Variants in CASK observed in about 807,000 individuals in gnomAD.
CASK encodes calcium/calmodulin dependent serine protein kinase, also known as peripheral plasma membrane protein CASK.
In CASK, 4 loss-of-function variants were observed where a neutral mutation model predicts 82.9. The observed-to-expected ratio is 0.05, with a 90% confidence interval of 0.02 to 0.11. The LOEUF (loss-of-function observed/expected upper bound fraction) is 0.11, where lower values mean the gene tolerates loss of function less well. Ranked by LOEUF, CASK falls within the 10% of genes least tolerant of loss-of-function variation. The pLI is 1.00. For missense variants in CASK, 358 were observed against 720.9 expected, an observed-to-expected ratio of 0.50 and a Z score of 5.76; for synonymous variants, 259 against 253.5, an observed-to-expected ratio of 1.02 and a Z score of -0.20.
intron 7 of CASK, among the ~76,000 whole-genome samples, chrX:41,663,449 A>C (rs2067067173): frequency 8.9e-6 from 1 of 112,475 alleles, no homozygotes; most frequent in Non-Finnish European, 1.9e-5. Flanking sequence ...ATTATGATGT[A>C]GCTGCCACCA....
intron 1 of CASK, among the ~76,000 whole-genome samples, chrX:41,889,528 T>C (rs2072125733): frequency 9.0e-6 from 1 of 111,545 alleles, no homozygotes; most frequent in Non-Finnish European, 1.9e-5. Flanking sequence ...GGTGAGTCAG[T>C]ATGAAGTGAC....
chrX:41,747,974 C>T (rs183853003), intron 3 of CASK, among the ~76,000 whole-genome samples: 65 of 111,765 alleles, frequency 5.8e-4, no homozygotes, highest in African/African-American at 1.7e-3. Context: ...AGAAAAGAAA[C>T]GCTATTTTAA....
intron 3 of CASK, among the ~76,000 whole-genome samples, chrX:41,784,843 T>C (rs1371880449): frequency 9.1e-6 from 1 of 109,954 alleles, no homozygotes; most frequent in Non-Finnish European, 1.9e-5. Flanking sequence ...GCCACTGCAC[T>C]CCAGCCTGGG....
At chrX:41,622,524 G>A (rs2066301984) in intron 11 of CASK, 93 bp downstream of exon 11, 1 of 700,731 alleles carries the variant, frequency 1.4e-6, no homozygotes, top group Non-Finnish European at 2.2e-6. Flanking sequence ...CACACAAACA[G>A]CCAAGGAAAA....
intron 12 of CASK, among the ~76,000 whole-genome samples, chrX:41,592,821 C>A (rs746047398): frequency 1.8e-5 from 2 of 111,703 alleles, no homozygotes; most frequent in South Asian, 7.6e-4. Flanking sequence ...CTCAAACAAT[C>A]CTACGCAGTT....
intron 5 of CASK, among the ~76,000 whole-genome samples, chrX:41,724,492 G>C (rs971303262): frequency 8.9e-6 from 1 of 112,330 alleles, no homozygotes; most frequent in Non-Finnish European, 1.9e-5. Flanking sequence ...GTATGCATGA[G>C]TGACTTGAGA....
In CASK at chrX:41,830,717, G is replaced by C. The variant is rs764375545; in HGVS notation, c.172+22398C>G. ...TGCCTGTAGTCCCAGCTACTCAGGA[G>C]GCTGAGGCAGGAGTATGGCGTGAAC... On this transcript the variant is annotated intron_variant, in intron 2 of 26. Coordinates refer to ENST00000378163, the MANE Select transcript of CASK (RefSeq NM_001367721.1). Among the ~76,000 whole-genome samples the C allele has an allele frequency of 1.3e-4, 14 of 107,105 alleles. No homozygotes were observed. In the East Asian group the frequency reaches 3.8e-3, roughly 29 times the overall value. The allele number at this position is 107,105 out of a possible 115,157, so 93.0% of individuals were successfully genotyped here. A position where few individuals can be genotyped will look rare whatever the true frequency, so the allele number is the denominator to read the frequency against.
At chrX:41,679,447 C>A (rs1000676725) in intron 5 of CASK, among the ~76,000 whole-genome samples, 5 of 112,084 alleles carry the variant, frequency 4.5e-5, no homozygotes, top group African/African-American at 1.6e-4. Flanking sequence ...ATCAGTAGTT[C>A]ATTTCTTTTT....
At chrX:41,805,865 G>A (rs1464882015) in intron 2 of CASK, among the ~76,000 whole-genome samples, 1 of 111,128 alleles carries the variant, frequency 9.0e-6, no homozygotes, top group East Asian at 2.8e-4. Flanking sequence ...CCTGAGAGAC[G>A]GAGTGCCCCT....
At chrX:41,547,538 G>T (rs1010162937) in intron 21 of CASK, among the ~76,000 whole-genome samples, 4 of 110,915 alleles carry the variant, frequency 3.6e-5, no homozygotes, top group African/African-American at 1.3e-4. Context: ...ATAATATTAT[G>T]GTGTTGCAAG....
intron 1 of CASK, among the ~76,000 whole-genome samples, chrX:41,894,038 C>T (rs2072226862): frequency 9.0e-6 from 1 of 111,536 alleles, no homozygotes; most frequent in South Asian, 3.7e-4. Flanking sequence ...AGAAAAAAAG[C>T]AGCCAATAGA....
chrX:41,729,273 T>G (rs1005636685), intron 5 of CASK: 7 of 123,366 alleles, frequency 5.7e-5, no homozygotes, highest in Non-Finnish European at 1.3e-4. Context: ...AAATACTATC[T>G]TATTTACAGA....
Position 41,553,266 on chromosome X carries a change from A to T in CASK, c.2039+453T>A, listed in dbSNP as rs112745001. On this transcript the variant is annotated intron_variant, in intron 21 of 26. Coordinates refer to ENST00000378163, the MANE Select transcript of CASK (RefSeq NM_001367721.1). The stretch of plus-strand genomic sequence containing the variant: ...AAGCTTCTGACTACCTCCTTCTAAC[A>T]GTGAAATACATTTTATCTTCAAATA... 2.6e-3 allele frequency among the ~76,000 whole-genome samples: 293 copies of T among 112,163 alleles called. 1 individual carries two copies. Among genetic ancestry groups the T allele is most frequent in the Non-Finnish European group, 4.8e-3 (255 of 53,203 alleles).
intron 2 of CASK, among the ~76,000 whole-genome samples, chrX:41,842,692 T>C (rs980470411): frequency 7.2e-5 from 8 of 111,678 alleles, no homozygotes; most frequent in African/African-American, 2.6e-4. Flanking sequence ...TAGATTAGTT[T>C]GTCAATTTTT....
chrX:41,837,032 T>C (rs2070938269), intron 2 of CASK, among the ~76,000 whole-genome samples: 1 of 112,345 alleles, frequency 8.9e-6, no homozygotes, highest in African/African-American at 3.2e-5. Context: ...CAGAACAATT[T>C]GGAATGTTTG....
chrX:41,918,314 T>C (rs1264488559), intron 1 of CASK, among the ~76,000 whole-genome samples: 1 of 112,459 alleles, frequency 8.9e-6, no homozygotes. Flanking sequence ...TTACGTATTA[T>C]TAATCCAGTA....
At position 41,727,204 on chromosome X, in the gene CASK, G is replaced by T. The variant is rs775010884; in HGVS notation, c.429+12180C>A. 3.3e-6 allele frequency: 4 copies of T among 1,202,762 alleles called. No individual in the cohort carries two copies. In the African/African-American group the frequency reaches 7.0e-5, roughly 21 times the overall value. ...CATCTACCTGTCACACCTTGTGACT[G>T]CAAACTTACTTGTGTGCAGTGCCAT... On this transcript the variant is annotated intron_variant, in intron 5 of 26. Coordinates refer to ENST00000378163, the MANE Select transcript of CASK (RefSeq NM_001367721.1).
intron 2 of CASK, among the ~76,000 whole-genome samples, chrX:41,821,183 T>C (rs1169387392): frequency 8.9e-6 from 1 of 111,732 alleles, no homozygotes; most frequent in African/African-American, 3.2e-5. Flanking sequence ...ATATGTATAT[T>C]TGACCAAGGA....
intron 5 of CASK, chrX:41,727,331 G>A: frequency 8.3e-7 from 1 of 1,207,143 alleles, no homozygotes; most frequent in Non-Finnish European, 1.1e-6. Context: ...ATGCATGCAA[G>A]TATGTTTGTC....
Sources: allele counts gnomAD v4.1 joint callset (sites outside exome capture counted in the v4.1 genomes callset), GRCh38; gene constraint gnomAD v4.1.1; transcripts MANE v1.5; gene names NCBI Gene and HGNC (gene_info 2026-07-23, HGNC 2026-07-21).